TRRAP: variants seen among roughly 807,000 people sequenced by gnomAD.
TRRAP encodes transformation/transcription domain associated protein.
In TRRAP, 41 loss-of-function variants were observed where a neutral mutation model predicts 438.8. The observed-to-expected ratio is 0.09, with a 90% CI of 0.07 to 0.12. TRRAP has a LOEUF of 0.12. Ranked by LOEUF, TRRAP falls within the 10% of genes least tolerant of loss-of-function variation. TRRAP has a pLI of 1.00. For missense variants in TRRAP, 3,122 were observed against 5,055.1 expected (o/e 0.62, Z 11.60); for synonymous variants, 1,994 against 1,962.9 (o/e 1.02, Z -0.42).
intron 30 of TRRAP, among the ~76,000 whole-genome samples, chr7:98,939,794 C>T (rs1263999696): frequency 2.0e-5 from 3 of 152,204 alleles, no homozygotes; most frequent in African/African-American, 7.2e-5. Context: ...TGTCCTAATG[C>T]TTTTGTGTAT....
At chr7:98,924,688 C>CA (rs34211183) in intron 21 of TRRAP, among the ~76,000 whole-genome samples, 64,362 of 95,118 alleles carry the variant, frequency 0.68, 24,830 homozygotes, top group Non-Finnish European at 0.86. Context: ...GACTCCGTCT[C>CA]AAAAAAAAAA....
intron 22 of TRRAP, among the ~76,000 whole-genome samples, chr7:98,925,470 G>A (rs1173644212): frequency 6.6e-6 from 1 of 152,206 alleles, no homozygotes; most frequent in East Asian, 1.9e-4. Flanking sequence ...GATCACAGTT[G>A]TCGCCTGCCT....
rs190553879 is a variant in TRRAP, at chr7:98,924,865, G to A, written c.2824-247G>A. ...AAAAATACAAAAAACTTAGCTGGGC[G>A]TGGTGGCGGGCACCTGTAGTCCCAG... On this transcript the variant is annotated intron_variant, in intron 21 of 72. Transcript: ENST00000456197. Among the ~76,000 whole-genome samples the A allele has an allele frequency of 7.2e-4, 109 of 151,370 alleles. No homozygotes were observed. The East Asian group carries it at 0.018, about 25-fold the overall frequency.
intron 18 of TRRAP, among the ~76,000 whole-genome samples, chr7:98,913,324 C>G (rs1387807310): frequency 3.3e-5 from 5 of 150,982 alleles, no homozygotes; most frequent in Admixed American, 6.6e-5. Flanking sequence ...TTTTTTGAGT[C>G]TGTCACCCAG....
In TRRAP at chr7:98,899,425, T is replaced by C; in HGVS notation, c.637T>C (p.Ser213Pro). ...EREDSETRTH[S>P]IIPRGSLSLK... ...CCTACCCATTTCTGTCTTCCAGCATTCCATCATTCCGAGGGGATCACTTTC... is the reference window on the plus strand; with the variant it reads ...CCTACCCATTTCTGTCTTCCAGCATCCCATCATTCCGAGGGGATCACTTTC... The change falls in exon 9 of 73, where the codon TCC becomes CCC. Residue 213 changes from serine to proline, a missense_variant. Ser to Pro is a moderately conservative substitution (Grantham distance 74, BLOSUM62 -1). This residue lies in a region of TRRAP where 343 missense variants were observed against 564.0 expected (regional missense o/e 0.61). Coordinates refer to ENST00000456197, the MANE Select transcript of TRRAP (RefSeq NM_001375524.1). 6.2e-7 allele frequency: 1 copy of C among 1,614,172 alleles called. No homozygotes were observed. Among genetic ancestry groups the C allele is most frequent in the Non-Finnish European group, 8.5e-7 (1 of 1,180,016 alleles).
intron 39 of TRRAP, among the ~76,000 whole-genome samples, chr7:98,951,986 A>T (rs1288748065): frequency 1.3e-5 from 2 of 152,172 alleles, no homozygotes; most frequent in African/African-American, 2.4e-5. Context: ...GGAGAAAAGG[A>T]GCTGGCAGGC....
At chr7:98,898,597 T>G (rs1217595043) in intron 8 of TRRAP, among the ~76,000 whole-genome samples, 1 of 152,222 alleles carries the variant, frequency 6.6e-6, no homozygotes, top group African/African-American at 2.4e-5. Flanking sequence ...GTATCATTCC[T>G]TTGTATTTTC....
In TRRAP at chr7:98,970,412, G is replaced by T. The variant is rs1792360585; in HGVS notation, c.7692+121G>T. 5 of 1,281,240 alleles carry T rather than the reference G, an allele frequency of 3.9e-6. No individual in the cohort carries two copies. In the South Asian group the frequency reaches 5.8e-5, roughly 15 times the overall value. The allele number at this position is 1,281,240 out of a possible 1,614,324, so 79.4% of individuals were successfully genotyped here. ...CCACGGGCAGAATCCCAGAGAGGAG[G>T]TGAGGCCCCGCGCCCCACGGGCAGA... On this transcript the variant is annotated intron_variant, in intron 52 of 72. Coordinates refer to ENST00000456197, the MANE Select transcript of TRRAP (RefSeq NM_001375524.1).
chr7:98,925,227 A>G lies in TRRAP; in HGVS notation c.2939A>G (p.Asn980Ser). The change falls in exon 22 of 73, where the codon AAC (asparagine) becomes AGC (serine). Residue 980 changes from asparagine (N) to serine (S), a missense_variant. By Grantham distance (46) the Asn-to-Ser change is conservative. Transcript: ENST00000456197. The stretch of plus-strand genomic sequence containing the variant: ...GTGGCCATGATGAGCCTGGAGGACA[A>G]CAAGCACGCACTCTACCAGCTCCTG... ...FLVAMMSLED[N>S]KHALYQLLAH... is the part of the protein sequence containing the mutation. 2.5e-6 allele frequency: 4 copies of G among 1,614,134 alleles called. No individual in the cohort carries two copies. The highest frequency in any genetic ancestry group is 2.5e-6 in the Non-Finnish European group (3 of 1,180,008).
chr7:98,987,857 A>G (rs1444888930), intron 62 of TRRAP, among the ~76,000 whole-genome samples: 1 of 152,106 alleles, frequency 6.6e-6, no homozygotes, highest in South Asian at 2.1e-4. Context: ...CTTCTGTTCT[A>G]AATTTGCTGG....
At position 98,948,520 on chromosome 7, in the gene TRRAP, TGAG is replaced by T; in HGVS notation, c.4669-45_4669-43del. 1 of 1,613,998 alleles carries T rather than the reference TGAG, an allele frequency of 6.2e-7. No individual in the cohort carries two copies. The highest frequency in any genetic ancestry group is 2.2e-5 in the East Asian group (1 of 44,888). ...TTGTTAGGTAGACAGCCTCAAGCTC[TGAG>T]AAGAGGAAGTTGTGAGATGCAGCAT... On this transcript the variant is annotated intron_variant, in intron 34 of 72. Transcript: ENST00000456197. The surrounding 1 kb of genome is among the most constrained non-coding windows in gnomAD (Gnocchi z 4.9).
chr7:98,970,046 G>C, intron 51 of TRRAP, 66 bp from the exon 52 acceptor site: 1 of 1,556,788 alleles, frequency 6.4e-7, no homozygotes, highest in Non-Finnish European at 8.7e-7. Flanking sequence ...ATCTGGGAGA[G>C]AAGTCCAGAT....
rs1467694495 is a variant in TRRAP at position 98,981,972 on chromosome 7, G to T, written c.8826+12G>T. Reference sequence around the variant, plus strand: ...CGCCTCTCCTACAGGTGCGTGCGGTGCCCCCATGCGAGCACAGGCCTGTGG... The same window carrying T: ...CGCCTCTCCTACAGGTGCGTGCGGTTCCCCCATGCGAGCACAGGCCTGTGG... On this transcript the variant is annotated intron_variant, in intron 59 of 72. Coordinates refer to ENST00000456197, the MANE Select transcript of TRRAP (RefSeq NM_001375524.1). 14 of 1,557,312 alleles carry T rather than the reference G, an allele frequency of 9.0e-6. No individual in the cohort carries two copies. The highest frequency in any genetic ancestry group is 1.2e-5 in the South Asian group (1 of 83,932).
At chr7:98,918,114 C>T (rs1379121192) in intron 20 of TRRAP, among the ~76,000 whole-genome samples, 1 of 139,854 alleles carries the variant, frequency 7.2e-6, no homozygotes, top group East Asian at 1.9e-4. Context: ...AAATCAGACC[C>T]TGTCTCAAAA....
chr7:98,921,419 G>A (rs982047436), intron 20 of TRRAP, among the ~76,000 whole-genome samples: 4 of 151,156 alleles, frequency 2.6e-5, no homozygotes, highest in Non-Finnish European at 4.4e-5. Context: ...CTTGTCACCC[G>A]GGCTGGAGTG....
chr7:98,880,778 A>G lies in TRRAP; in HGVS notation c.-61-312A>G, dbSNP rs114035170. On this transcript the variant is annotated intron_variant, in intron 1 of 72. Coordinates refer to ENST00000456197, the MANE Select transcript of TRRAP (RefSeq NM_001375524.1). ...TATAGCAGCGCTGAGTAGTTGTGAC[A>G]GACTGCGTGGCCACAAAGATTAAAA... Among the ~76,000 whole-genome samples the G allele has an allele frequency of 2.1e-3, 324 of 152,320 alleles. 1 individual carries two copies. Among genetic ancestry groups the G allele is most frequent in the African/African-American group, 7.4e-3 (309 of 41,584 alleles).
chr7:98,946,645 A>G (rs960782301), intron 33 of TRRAP, among the ~76,000 whole-genome samples: 5 of 151,456 alleles, frequency 3.3e-5, no homozygotes, highest in African/African-American at 1.2e-4. Context: ...CAATGCACTG[A>G]CAACACACAT....
chr7:98,885,901 G>C (rs555807811), intron 3 of TRRAP, among the ~76,000 whole-genome samples: 3 of 152,296 alleles, frequency 2.0e-5, no homozygotes, highest in Non-Finnish European at 4.4e-5. Flanking sequence ...TTGAGGTTTT[G>C]AGACTTTATT....
At chr7:98,932,911 AGT>A in intron 26 of TRRAP, among the ~76,000 whole-genome samples, 1 of 152,244 alleles carries the variant, frequency 6.6e-6, no homozygotes, top group African/African-American at 2.4e-5. Context: ...TGCAAAAAAC[AGT>A]GTACTTCAAG....
Sources: allele counts gnomAD v4.1 joint callset (sites outside exome capture counted in the v4.1 genomes callset), GRCh38; gene constraint gnomAD v4.1.1; regional missense constraint gnomAD v4.1.1; non-coding constraint Gnocchi (gnomAD v3.1); transcripts MANE v1.5; gene names NCBI Gene and HGNC (gene_info 2026-07-23, HGNC 2026-07-21).